The following MVK variants were observed in gnomAD, a reference collection of about 807,000 sequenced individuals.
The protein encoded by MVK is LH receptor mRNA-binding protein.
MVK carries 34 observed loss-of-function variants against 43.2 expected under a neutral mutation model. The observed-to-expected ratio is 0.79, with a 90% confidence interval of 0.60 to 1.05. The LOEUF is 1.05. MVK is among the 50% of genes least tolerant of loss of function. The pLI, the probability that MVK is intolerant of heterozygous loss-of-function variation, is 0.00. For synonymous variants in MVK, 190 were observed against 219.8 expected (o/e 0.86, Z 1.20); for missense variants, 395 against 504.0 (o/e 0.78, Z 2.07).
Position 109,591,253 on chromosome 12 carries a change from G to T in MVK, c.781G>T (p.Val261Leu). 6.2e-7 allele frequency: 1 copy of T among 1,614,128 alleles called. No individual in the cohort carries two copies. The highest frequency in any genetic ancestry group is 8.5e-7 in the Non-Finnish European group (1 of 1,180,024). The change falls in exon 9 of 11, where the codon GTG (valine) becomes TTG (leucine). Residue 261 changes from valine to leucine, a missense_variant. Transcript: ENST00000228510. ...TTTTTTTCTCCAGTTCCCAGAGATC[G>T]TGGCCCCCCTCCTGACCTCAATAGA... ...RNRLLKFPEI[V>L]APLLTSIDAI...
At chr12:109,594,245 T>C (rs1037928759) in intron 9 of MVK, among the ~76,000 whole-genome samples, 1 of 152,204 alleles carries the variant, frequency 6.6e-6, no homozygotes, top group African/African-American at 2.4e-5. Context: ...ATCTAACTAC[T>C]GGGTGCCTGG....
In MVK at chr12:109,596,407, C is replaced by T. The variant is rs960900640; in HGVS notation, c.1040-19C>T. 4 of 1,611,662 alleles carry T rather than the reference C, an allele frequency of 2.5e-6. No individual in the cohort carries two copies. The highest frequency in any genetic ancestry group is 3.4e-6 in the Non-Finnish European group (4 of 1,179,470). The stretch of plus-strand genomic sequence containing the variant: ...GGAGCGGAGAGTTGTCAAGGGTGAC[C>T]TGCCTTCCCTCCCCGCAGGGCTGGA... On this transcript the variant is annotated intron_variant, in intron 10 of 10. Transcript: ENST00000228510.
upstream of MVK, chr12:109,573,565 C>A (rs763730103): frequency 4.1e-6 from 6 of 1,480,384 alleles, no homozygotes; most frequent in South Asian, 1.2e-5. Context: ...GCCGCGCCAC[C>A]GCTCAGGTTT....
At chr12:109,581,040 G>C (rs555480916) in intron 4 of MVK, among the ~76,000 whole-genome samples, 1 of 152,160 alleles carries the variant, frequency 6.6e-6, no homozygotes, top group Non-Finnish European at 1.5e-5. Context: ...GGAGGTGCAC[G>C]GCTATTGCAG....
At chr12:109,592,141 G>A (rs567442096) in intron 9 of MVK, among the ~76,000 whole-genome samples, 128 of 152,354 alleles carry the variant, frequency 8.4e-4, no homozygotes, top group Non-Finnish European at 1.7e-3. Context: ...CTACTCGAGA[G>A]GCTGAGGCAG....
chr12:109,593,403 T>A (rs146216815), intron 9 of MVK, among the ~76,000 whole-genome samples: 145 of 152,304 alleles, frequency 9.5e-4, no homozygotes, highest in African/African-American at 3.3e-3. Context: ...GCCTCAGTGA[T>A]TGGCAACTCC....
rs201799491 is a variant in MVK, at chr12:109,595,063, C to T, written c.921C>T (p.Ala307=). The part of the protein sequence containing the change: ...LIDMNQHHLN[A]LGVGHASLDQ... ...ACATGAACCAGCACCATCTGAATGC[C>T]CTCGGCGTGGGCCACGCCTCTCTGG... The change falls in exon 10 of 11, where the codon GCC becomes GCT. Residue 307 remains alanine (A), a synonymous_variant. Coordinates refer to ENST00000228510, the MANE Select transcript of MVK (RefSeq NM_000431.4). This position sits in a 1 kb window ranked among gnomAD's most constrained non-coding sequence, Gnocchi z 5.9. 4.3e-6 allele frequency: 7 copies of T among 1,614,216 alleles called. No homozygotes were observed. In the East Asian group the frequency reaches 1.6e-4, roughly 36 times the overall value.
chr12:109,579,136 A>AGTT, intron 3 of MVK: 2 of 384,510 alleles, frequency 5.2e-6, no homozygotes, highest in Non-Finnish European at 1.0e-5. Flanking sequence ...TTAAGACTAC[A>AGTT]ATTTTTTTTT....
chr12:109,593,390 G>T (rs995406786), intron 9 of MVK, among the ~76,000 whole-genome samples: 1 of 152,150 alleles, frequency 6.6e-6, no homozygotes, highest in Non-Finnish European at 1.5e-5. Flanking sequence ...CCTCCGCAGA[G>T]ATGCCTCAGT....
chr12:109,587,682 C>T (rs1885497519), intron 7 of MVK, among the ~76,000 whole-genome samples: 1 of 152,156 alleles, frequency 6.6e-6, no homozygotes, highest in Non-Finnish European at 1.5e-5. Flanking sequence ...GGCCTGCAGC[C>T]CCCACCAGCT....
chr12:109,595,377 C>T lies in MVK; in HGVS notation c.1039+196C>T, dbSNP rs3742014. On this transcript the variant is annotated intron_variant, in intron 10 of 10. Transcript: ENST00000228510. This position sits in a 1 kb window ranked among gnomAD's most constrained non-coding sequence, Gnocchi z 5.9. ...GATGAGAGTATCTAGCTTGCAAGAT[C>T]GTTGCCCAGATTCAAGCAGGAAAGT... is the stretch of plus-strand genomic sequence containing the variant. 0.16 allele frequency among the ~76,000 whole-genome samples: 24,186 copies of T among 152,048 alleles called. 1,982 individuals carry two copies. Among genetic ancestry groups the T allele is most frequent in the Middle Eastern group, 0.18 (52 of 294 alleles).
At chr12:109,573,438 G>A (rs921232728), upstream of MVK, 3 of 1,606,930 alleles carry the variant, frequency 1.9e-6, no homozygotes, top group South Asian at 1.1e-5. Flanking sequence ...AGGCCAAGAC[G>A]GCTCCCCAGG....
rs1030393440 is a variant in MVK, at chr12:109,596,927, A to G, written c.*350A>G. 3.4e-5 allele frequency: 13 copies of G among 380,980 alleles called. No homozygotes were observed. Among genetic ancestry groups the G allele is most frequent in the Non-Finnish European group, 6.0e-5 (12 of 200,768 alleles). 23.6% of individuals were successfully genotyped at this position (380,980 alleles called of 1,614,324 possible). The stretch of plus-strand genomic sequence containing the variant: ...TCCTGGCCGCCTGGGTCCAATGCTC[A>G]GGTGCTGGGGCCTGGTTCCCGGAGA... On this transcript the variant is annotated 3_prime_UTR_variant, in exon 11 of 11. Coordinates refer to ENST00000228510, the MANE Select transcript of MVK (RefSeq NM_000431.4).
At chr12:109,578,438 CTAAG>C (rs56755202) in intron 3 of MVK, among the ~76,000 whole-genome samples, 46,643 of 151,722 alleles carry the variant, frequency 0.31, 7,432 homozygotes, top group African/African-American at 0.4. Flanking sequence ...GTGCCAGGCA[CTAAG>C]TGTGTTCACA....
chr12:109,580,063 G>A, intron 4 of MVK, 117 bp downstream of exon 4: 1 of 1,480,206 alleles, frequency 6.8e-7, no homozygotes, highest in South Asian at 1.2e-5. Flanking sequence ...GCAGCCATTG[G>A]CTGTCCTCAT....
intron 3 of MVK, among the ~76,000 whole-genome samples, chr12:109,577,132 G>A (rs561959648): frequency 5.9e-5 from 9 of 152,150 alleles, no homozygotes; most frequent in Non-Finnish European, 1.3e-4. Flanking sequence ...CCATTCAGAA[G>A]TACTGATTTT....
In MVK at chr12:109,581,388, G is replaced by GT; in HGVS notation, c.372-4dup. On this transcript the variant is annotated splice_region_variant and splice_polypyrimidine_tract_variant and intron_variant, in intron 4 of 10. Coordinates refer to ENST00000228510, the MANE Select transcript of MVK (RefSeq NM_000431.4). ...AGAGTCACGTTTCACACCCTGGTGT[G>GT]TTTCAGGGCCCTGCCGAGCCTGGAT... 4 of 1,613,646 alleles carry GT rather than the reference G, an allele frequency of 2.5e-6. No homozygotes were observed. The highest frequency in any genetic ancestry group is 3.4e-6 in the Non-Finnish European group (4 of 1,179,996).
chr12:109,578,245 G>C (rs959894094), intron 3 of MVK, among the ~76,000 whole-genome samples: 5 of 151,530 alleles, frequency 3.3e-5, no homozygotes, highest in Non-Finnish European at 7.4e-5. Flanking sequence ...GCTCCCTCCT[G>C]ATAGTAATAA....
At chr12:109,574,712 G>A in intron 1 of MVK, 97 bp from the exon 2 acceptor site, 2 of 1,065,556 alleles carry the variant, frequency 1.9e-6, no homozygotes, top group South Asian at 2.7e-5. Flanking sequence ...TACCTTTTTT[G>A]TTATTATGAT....
Sources: gnomAD v4.1 joint callset for allele counts (sites outside exome capture counted in the v4.1 genomes callset) on GRCh38, gnomAD v4.1.1 for gene constraint, Gnocchi (gnomAD v3.1) non-coding constraint, MANE v1.5 for transcripts, NCBI Gene and HGNC (gene_info 2026-07-23, HGNC 2026-07-21) for gene names.